The following ZBTB10 variants were observed in gnomAD, a reference collection of about 807,000 sequenced individuals.
ZBTB10 encodes zinc finger and BTB domain containing 10.
ZBTB10 carries 32 observed loss-of-function variants against 76.4 expected under a neutral mutation model. The ratio of observed to expected loss-of-function variants is 0.42; its 90% CI spans 0.32 to 0.56. The LOEUF (loss-of-function observed/expected upper bound fraction) is 0.56. Among genes scored for constraint, ZBTB10 ranks in the 20% least tolerant of loss-of-function variants. ZBTB10 has a pLI of 0.14. For synonymous variants in ZBTB10, 523 were observed against 432.9 expected (o/e 1.21, Z -2.58); for missense variants, 1,057 against 1,098.5 (o/e 0.96, Z 0.53).
intron 1 of ZBTB10, among the ~76,000 whole-genome samples, chr8:80,490,410 GTT>G (rs894412732): frequency 2.0e-5 from 3 of 151,976 alleles, no homozygotes; most frequent in African/African-American, 7.3e-5. Context: ...TAATTTTTAA[GTT>G]TTTTGTTGAA....
At chr8:80,485,845 T>C, upstream of ZBTB10, 1 of 1,535,842 alleles carries the variant, frequency 6.5e-7, no homozygotes, top group Non-Finnish European at 8.7e-7. Flanking sequence ...GGTGAACTCG[T>C]GGCGAGAGAA....
At position 80,523,619 on chromosome 8, in the gene ZBTB10, T is replaced by G. The variant is rs970783191; in HGVS notation, c.*4091T>G. ...CACTTTAGGACTTAAAATGGAAAGT[T>G]TTTTTTTTTTTCCTGCTGTATCTCT... On this transcript the variant is annotated 3_prime_UTR_variant, in exon 6 of 6. Transcript: ENST00000455036. 7.6e-5 allele frequency: 5 copies of G among 65,860 alleles called. No homozygotes were observed. In the African/African-American group the frequency reaches 1.3e-3, roughly 17 times the overall value. The allele number at this position is 65,860 out of a possible 1,614,324, so 4.1% of individuals were successfully genotyped here.
rs1017033625 is a variant in ZBTB10 at position 80,486,822 on chromosome 8, T to C, written c.12T>C (p.Ser4=). The C allele has an allele frequency of 6.0e-5, 88 of 1,468,848 alleles. No individual in the cohort carries two copies. Among genetic ancestry groups the C allele is most frequent in the African/African-American group, 1.2e-4 (8 of 66,438 alleles). 91.0% of individuals were successfully genotyped at this position (1,468,848 alleles called of 1,614,324 possible). A position where few individuals can be genotyped will look rare whatever the true frequency, so the allele number is the denominator to read the frequency against. ...CGGCGGCGCGCGCCATGTCGTTCAG[T>C]GAAATGAACCGCAGGACGCTGGCGT... The part of the protein sequence containing the change: MSF[S]EMNRRTLAFR... Residue 4 remains serine (S), a synonymous_variant, in exon 1 of 6, where the codon AGT becomes AGC. Coordinates refer to ENST00000455036, the MANE Select transcript of ZBTB10 (RefSeq NM_001105539.3).
rs1320831495 is a variant in ZBTB10 at position 80,525,106 on chromosome 8, T to C, written c.*5578T>C. On this transcript the variant is annotated 3_prime_UTR_variant, in exon 6 of 6. Coordinates refer to ENST00000455036, the MANE Select transcript of ZBTB10 (RefSeq NM_001105539.3). ...AATTTAGACACCAAGTTTGGCTTAA[T>C]AGAAAAAGTCACTATCTGAACTTCT... The C allele has an allele frequency of 2.0e-5, 3 of 152,162 alleles. No homozygotes were observed. The highest frequency in any genetic ancestry group is 7.2e-5 in the African/African-American group (3 of 41,456). 9.4% of individuals were successfully genotyped at this position (152,162 alleles called of 1,614,324 possible).
chr8:80,490,659 C>T (rs74892375), intron 1 of ZBTB10, among the ~76,000 whole-genome samples: 93 of 152,304 alleles, frequency 6.1e-4, no homozygotes, highest in African/African-American at 2.2e-3. Context: ...CTCAGCTTCA[C>T]AAAGACACTC....
At chr8:80,492,008 T>G (rs1815643656) in intron 1 of ZBTB10, among the ~76,000 whole-genome samples, 2 of 152,148 alleles carry the variant, frequency 1.3e-5, no homozygotes, top group South Asian at 4.1e-4. Flanking sequence ...GGCAGATCTA[T>G]CAGCCTAATT....
Position 80,519,317 on chromosome 8 carries a change from A to G in ZBTB10, c.2405A>G (p.Tyr802Cys). 2 of 1,613,770 alleles carry G rather than the reference A, an allele frequency of 1.2e-6. No individual in the cohort carries two copies. The highest frequency in any genetic ancestry group is 1.7e-6 in the Non-Finnish European group (2 of 1,179,786). Residue 802 changes from tyrosine to cysteine, a missense_variant, in exon 6 of 6, where the codon TAT (tyrosine) becomes TGT (cysteine). By Grantham distance (194) the Tyr-to-Cys change is radical (BLOSUM62 -2). Around this residue, in one of 5 missense-constraint regions of ZBTB10, gnomAD observed 54 missense variants for 138.1 expected, o/e 0.39. Coordinates refer to ENST00000455036, the MANE Select transcript of ZBTB10 (RefSeq NM_001105539.3). ...SVGIRHGSRR[Y>C]GVCVDCADKS... The stretch of plus-strand genomic sequence containing the variant: ...GGAATAAGACATGGATCTCGACGTT[A>G]TGGTGTTTGTGTAGACTGTGCAGAT...
chr8:80,487,386 C>T lies in ZBTB10; in HGVS notation c.576C>T (p.Ser192=). ...CCGAGGACGAGGAGGAGGGGGCGAG[C>T]CTGGGCGACGGCAGCGGGGCGGAAG... ...DSTEDEEEGA[S]LGDGSGAEGG... Residue 192 remains serine (S), a synonymous_variant, in exon 1 of 6, where the codon AGC becomes AGT. Coordinates refer to ENST00000455036, the MANE Select transcript of ZBTB10 (RefSeq NM_001105539.3). 6.5e-7 allele frequency: 1 copy of T among 1,532,266 alleles called. No individual in the cohort carries two copies. The highest frequency in any genetic ancestry group is 1.2e-5 in the South Asian group (1 of 80,780). 94.9% of individuals were successfully genotyped at this position (1,532,266 alleles called of 1,614,324 possible).
intron 1 of ZBTB10, among the ~76,000 whole-genome samples, chr8:80,499,059 G>A (rs1815857357): frequency 6.6e-6 from 1 of 152,156 alleles, no homozygotes; most frequent in African/African-American, 2.4e-5. Context: ...TAGATAGGGT[G>A]ATATGCCTAG....
intron 1 of ZBTB10, among the ~76,000 whole-genome samples, chr8:80,491,607 A>G (rs1389490013): frequency 2.0e-5 from 3 of 152,140 alleles, no homozygotes; most frequent in East Asian, 3.9e-4. Flanking sequence ...TGAGCCTTCT[A>G]TTTCCGAGGT....
chr8:80,516,794 G>A (rs1467525463), intron 3 of ZBTB10, among the ~76,000 whole-genome samples: 1 of 152,182 alleles, frequency 6.6e-6, no homozygotes, highest in Non-Finnish European at 1.5e-5. Context: ...GGAATCTTAA[G>A]TTATCTTAAT....
rs1174602744 is a variant in ZBTB10 at position 80,510,036 on chromosome 8, G to A, written c.1862-3874G>A. On this transcript the variant is annotated intron_variant, in intron 2 of 5. Coordinates refer to ENST00000455036, the MANE Select transcript of ZBTB10 (RefSeq NM_001105539.3). The stretch of plus-strand genomic sequence containing the variant: ...GAAGTATATAAATGTGAATTCTAAG[G>A]AGGAGATTGCTTTAAAGTAGACAAA... Among the ~76,000 whole-genome samples the A allele has an allele frequency of 2.6e-5, 4 of 151,928 alleles. No homozygotes were observed. In the East Asian group the frequency reaches 7.7e-4, roughly 29 times the overall value.
At position 80,525,429 on chromosome 8, in the gene ZBTB10, A is replaced by T. The variant is rs940362913; in HGVS notation, c.*5901A>T. The T allele has an allele frequency of 3.3e-5, 5 of 152,304 alleles. No individual in the cohort carries two copies. Among genetic ancestry groups the T allele is most frequent in the Admixed American group, 1.3e-4 (2 of 15,290 alleles). 9.4% of individuals were successfully genotyped at this position (152,304 alleles called of 1,614,324 possible). On this transcript the variant is annotated 3_prime_UTR_variant, in exon 6 of 6. Transcript: ENST00000455036. ...CACCACGGCCAGTCTTAAATTTGGC[A>T]ATAAGAAAAAGCTAATCTTCCAAGT...
Position 80,519,621 on chromosome 8 carries a change from A to T in ZBTB10, c.*93A>T. The T allele has an allele frequency of 7.5e-7, 1 of 1,338,362 alleles. No homozygotes were observed. Among genetic ancestry groups the T allele is most frequent in the Non-Finnish European group, 1.0e-6 (1 of 987,434 alleles). The allele number at this position is 1,338,362 out of a possible 1,614,324, so 82.9% of individuals were successfully genotyped here. ...AACTTGAAGGCTTGCAAAATATGGT[A>T]CATGCTGGATAGTAGTTATGTTGCT... On this transcript the variant is annotated 3_prime_UTR_variant, in exon 6 of 6. Transcript: ENST00000455036.
Position 80,508,078 on chromosome 8 carries a change from A to G in ZBTB10, c.1862-5832A>G, listed in dbSNP as rs563213963. Among the ~76,000 whole-genome samples, 16 of 152,314 alleles carry G rather than the reference A, an allele frequency of 1.1e-4. No homozygotes were observed. The South Asian group carries it at 1.2e-3, about 12-fold the overall frequency. On this transcript the variant is annotated intron_variant, in intron 2 of 5. Transcript: ENST00000455036. ...TACTGTTGCTTTCCTTCCCTGTATC[A>G]TACTTGACCCAAGAAGTGGCTACAC...
Position 80,499,865 on chromosome 8 carries a change from G to A in ZBTB10, c.1344G>A (p.Met448Ile), listed in dbSNP as rs1359172282. Residue 448 changes from methionine to isoleucine, a missense_variant, in exon 2 of 6, where the codon ATG (methionine) becomes ATA (isoleucine). Coordinates refer to ENST00000455036, the MANE Select transcript of ZBTB10 (RefSeq NM_001105539.3). ...EVMTVASYLQMSEVVQTCRNF... is the reference protein window; with the variant it reads ...EVMTVASYLQISEVVQTCRNF... ...TGACCGTGGCCAGCTATCTTCAAAT[G>A]AGTGAAGTTGTTCAAACTTGCCGAA... The A allele has an allele frequency of 6.2e-7, 1 of 1,613,790 alleles. No homozygotes were observed. Among genetic ancestry groups the A allele is most frequent in the Non-Finnish European group, 8.5e-7 (1 of 1,179,860 alleles).
intron 2 of ZBTB10, among the ~76,000 whole-genome samples, chr8:80,512,211 C>T (rs903685237): frequency 1.3e-5 from 2 of 152,136 alleles, no homozygotes; most frequent in African/African-American, 4.8e-5. Context: ...AAAAGAGAAG[C>T]CAACAGCCTG....
At chr8:80,500,530 T>C in intron 2 of ZBTB10, 148 bp downstream of exon 2, 1 of 821,832 alleles carries the variant, frequency 1.2e-6, no homozygotes, top group East Asian at 2.8e-5. Context: ...TTCAAATGCA[T>C]AACATATTTG....
chr8:80,513,149 T>G lies in ZBTB10; in HGVS notation c.1862-761T>G, dbSNP rs371413526. ...TATTCTGTATTCTGACAAAAACTGT[T>G]TTTTCTTTTGAGTTGGGGTCTCACT... is the stretch of plus-strand genomic sequence containing the variant. On this transcript the variant is annotated intron_variant, in intron 2 of 5. Transcript: ENST00000455036. 3.6e-3 allele frequency among the ~76,000 whole-genome samples: 550 copies of G among 152,136 alleles called. 5 individuals are homozygous for G. The highest frequency in any genetic ancestry group is 0.012 in the African/African-American group (497 of 41,500).
Sources: gnomAD v4.1 joint callset for allele counts (sites outside exome capture counted in the v4.1 genomes callset) on GRCh38, gnomAD v4.1.1 for gene constraint, gnomAD v4.1.1 regional missense constraint, MANE v1.5 for transcripts, NCBI Gene and HGNC (gene_info 2026-07-23, HGNC 2026-07-21) for gene names.